TENM3: variants seen among roughly 807,000 people sequenced by gnomAD.
TENM3 encodes the protein teneurin-3.
A neutral mutation model predicts 255.1 loss-of-function variants in TENM3; 63 were observed. That is an observed-to-expected ratio of 0.25 (90% CI 0.20 to 0.30). The LOEUF is 0.30. Ranked by LOEUF, TENM3 falls within the 10% of genes least tolerant of loss-of-function variation. TENM3 has a pLI of 1.00. For synonymous variants in TENM3, 1,306 were observed against 1,322.3 expected, an observed-to-expected ratio of 0.99 and a Z score of 0.27; for missense variants, 2,929 against 3,461.1, an observed-to-expected ratio of 0.85 and a Z score of 3.86.
intron 3 of TENM3, among the ~76,000 whole-genome samples, chr4:182,408,168 A>T (rs1455530296): frequency 6.6e-6 from 1 of 152,214 alleles, no homozygotes; most frequent in Non-Finnish European, 1.5e-5. Flanking sequence ...TTGACCAGGG[A>T]GTTTTCCTTT....
chr4:182,324,252 G>A lies in TENM3; in HGVS notation c.232G>A (p.Gly78Arg). ...AGAAGCAGACGAGTTCACTAGACAA[G>A]GTGGGTAACTGTCCTAGTAAAATAA... ...HREADEFTRQGQNFTLRQLGV... is the reference protein window; with the variant it reads ...HREADEFTRQRQNFTLRQLGV... The change falls in exon 2 of 28, where the codon GGA becomes AGA. Residue 78 changes from glycine to arginine, a missense_variant and splice_region_variant. This residue lies in a region of TENM3 where 283 missense variants were observed against 256.9 expected (regional missense o/e 1.10). Coordinates refer to ENST00000511685, the MANE Select transcript of TENM3 (RefSeq NM_001080477.4). The A allele has an allele frequency of 1.2e-6, 2 of 1,607,882 alleles. No homozygotes were observed. Among genetic ancestry groups the A allele is most frequent in the Non-Finnish European group, 1.7e-6 (2 of 1,174,300 alleles).
rs1762594608 is a variant in TENM3 at position 182,754,565 on chromosome 4, A to G, written c.4198A>G (p.Thr1400Ala). 1 of 1,614,000 alleles carries G rather than the reference A, an allele frequency of 6.2e-7. No individual in the cohort carries two copies. Among genetic ancestry groups the G allele is most frequent in the Non-Finnish European group, 8.5e-7 (1 of 1,179,874 alleles). The change falls in exon 22 of 28, where the codon ACA becomes GCA. Residue 1400 changes from threonine (T) to alanine (A), a missense_variant. Around this residue, in one of 6 missense-constraint regions of TENM3, gnomAD observed 1,608 missense variants for 1,884.4 expected, o/e 0.85. Coordinates refer to ENST00000511685, the MANE Select transcript of TENM3 (RefSeq NM_001080477.4). This position sits in a 1 kb window ranked among gnomAD's most constrained non-coding sequence, Gnocchi z 5.1. ...TCCTGTGGGGAAGCACGCGGTGCAG[A>G]CAACACTGGAATCAGCCACTGCCAT... ...EYPVGKHAVQ[T>A]TLESATAIAV...
the TENM3 span, among the ~76,000 whole-genome samples, chr4:181,952,752 G>A: frequency 1.3e-5 from 2 of 152,230 alleles, no homozygotes; most frequent in Admixed American, 1.3e-4. Flanking sequence ...CCTTAGGGAA[G>A]GGCCTCAGAT....
At chr4:181,725,805 A>C in the TENM3 span, among the ~76,000 whole-genome samples, 1 of 152,090 alleles carries the variant, frequency 6.6e-6, no homozygotes, top group Non-Finnish European at 1.5e-5. Context: ...GTGATTACTA[A>C]AGGCTAAGAT....
the TENM3 span, among the ~76,000 whole-genome samples, chr4:182,013,767 G>A: frequency 6.6e-6 from 1 of 151,774 alleles, no homozygotes; most frequent in Admixed American, 6.6e-5. Context: ...ATTTTCATTT[G>A]AATGAAGGAC....
chr4:182,134,399 C>T, the TENM3 span, among the ~76,000 whole-genome samples: 4 of 152,164 alleles, frequency 2.6e-5, no homozygotes, highest in African/African-American at 9.7e-5. Context: ...AGTTTATCTT[C>T]AGTTTAAGCT....
chr4:182,533,797 C>G (rs1326128720), intron 3 of TENM3, among the ~76,000 whole-genome samples: 2 of 151,826 alleles, frequency 1.3e-5, no homozygotes, highest in African/African-American at 4.8e-5. Flanking sequence ...ATCTGTAAAC[C>G]CATCTACTTG....
At chr4:181,678,919 G>C in the TENM3 span, among the ~76,000 whole-genome samples, 1 of 151,160 alleles carries the variant, frequency 6.6e-6, no homozygotes, top group Non-Finnish European at 1.5e-5. Context: ...ACAGCGATAT[G>C]ATGATAATAC....
At chr4:181,650,589 C>A in the TENM3 span, among the ~76,000 whole-genome samples, 8 of 152,126 alleles carry the variant, frequency 5.3e-5, no homozygotes, top group East Asian at 3.9e-4. Flanking sequence ...CTGCAGATCC[C>A]TATTAGGAGT....
intron 1 of TENM3, among the ~76,000 whole-genome samples, chr4:182,179,800 TAA>T (rs1282687304): frequency 4.6e-5 from 7 of 152,356 alleles, no homozygotes; most frequent in African/African-American, 1.4e-4. Flanking sequence ...GTTTGAAATA[TAA>T]GTCAAATTTA....
chr4:182,694,565 G>A (rs188475268), intron 12 of TENM3, among the ~76,000 whole-genome samples: 1 of 152,136 alleles, frequency 6.6e-6, no homozygotes, highest in South Asian at 2.1e-4. Context: ...TTGGCCTAGG[G>A]GAAATCCTAA....
At chr4:182,046,936 A>G in the TENM3 span, among the ~76,000 whole-genome samples, 456 of 152,290 alleles carry the variant, frequency 3.0e-3, 1 homozygote, top group Non-Finnish European at 4.0e-3. Context: ...TTAATGCAGC[A>G]GCCACAATTC....
the TENM3 span, among the ~76,000 whole-genome samples, chr4:181,550,527 C>T: frequency 4.6e-5 from 7 of 152,224 alleles, no homozygotes; most frequent in Non-Finnish European, 7.4e-5. Flanking sequence ...CTGAATGTTG[C>T]TTGTTGCTCA....
At chr4:182,730,117 C>T in intron 14 of TENM3, 83 bp from the exon 15 acceptor site, 1 of 1,546,730 alleles carries the variant, frequency 6.5e-7, no homozygotes, top group Non-Finnish European at 8.8e-7. Flanking sequence ...TTATTTTATC[C>T]TTAGGTTGAA....
chr4:182,779,214 C>G (rs1452042636), intron 24 of TENM3, among the ~76,000 whole-genome samples: 7 of 151,794 alleles, frequency 4.6e-5, no homozygotes, highest in South Asian at 2.1e-4. Context: ...CCGCTCCCCC[C>G]ACCCCACAAC....
At chr4:182,046,876 G>A in the TENM3 span, among the ~76,000 whole-genome samples, 30 of 152,222 alleles carry the variant, frequency 2.0e-4, no homozygotes, top group South Asian at 2.1e-4. Context: ...TTTAGGTAGC[G>A]TGCAGATATC....
At chr4:182,215,063 A>G (rs1345488315) in intron 1 of TENM3, among the ~76,000 whole-genome samples, 8 of 152,180 alleles carry the variant, frequency 5.3e-5, no homozygotes, top group Non-Finnish European at 1.5e-5. Flanking sequence ...CGTGAAACTC[A>G]ACAGTAAAAG....
At chr4:181,610,474 C>A in the TENM3 span, among the ~76,000 whole-genome samples, 1 of 152,194 alleles carries the variant, frequency 6.6e-6, no homozygotes. Context: ...TTACATCGAG[C>A]TTTTTAGCAT....
At chr4:182,389,190 G>A (rs1397673626) in intron 3 of TENM3, among the ~76,000 whole-genome samples, 1 of 152,042 alleles carries the variant, frequency 6.6e-6, no homozygotes, top group Non-Finnish European at 1.5e-5. Flanking sequence ...GCCCGTGTTG[G>A]GTAGGGAAGG....
Sources: allele counts gnomAD v4.1 joint callset (sites outside exome capture counted in the v4.1 genomes callset), GRCh38; gene constraint gnomAD v4.1.1; regional missense constraint gnomAD v4.1.1; non-coding constraint Gnocchi (gnomAD v3.1); transcripts MANE v1.5; gene names NCBI Gene and HGNC (gene_info 2026-07-23, HGNC 2026-07-21).